Variants in PCDHGA7 observed in about 807,000 individuals in gnomAD.
PCDHGA7 encodes protocadherin gamma-A7.
Under a neutral mutation model 58.3 loss-of-function variants are expected in PCDHGA7, and 44 were observed. The ratio of observed to expected loss-of-function variants is 0.75; its 90% CI spans 0.59 to 0.97. PCDHGA7 has a LOEUF of 0.97. PCDHGA7 is among the 50% of genes least tolerant of loss of function. The pLI is 0.00. For missense variants in PCDHGA7, 1,266 were observed against 1,188.7 expected (o/e 1.06, Z -0.96); for synonymous variants, 516 against 504.2 (o/e 1.02, Z -0.31).
rs749347013 is a variant in PCDHGA7, at chr5:141,476,739, C to G, written c.2425-18068C>G. 6.2e-7 allele frequency: 1 copy of G among 1,614,068 alleles called. No individual in the cohort carries two copies. Among genetic ancestry groups the G allele is most frequent in the South Asian group, 1.1e-5 (1 of 91,088 alleles). On this transcript the variant is annotated intron_variant, in intron 1 of 3. Transcript: ENST00000518325. The surrounding 1 kb of genome is among the most constrained non-coding windows in gnomAD (Gnocchi z 7.6). Reference sequence around the variant, plus strand: ...CGCGCCCTGGACCGAGAACGGGAGCCTAGTCTCCAGTTAGTGCTGACGGCG... The same window carrying G: ...CGCGCCCTGGACCGAGAACGGGAGCGTAGTCTCCAGTTAGTGCTGACGGCG...
intron 1 of PCDHGA7, among the ~76,000 whole-genome samples, chr5:141,433,497 C>G (rs2097615154): frequency 6.6e-6 from 1 of 152,076 alleles, no homozygotes; most frequent in Non-Finnish European, 1.5e-5. Flanking sequence ...CCCTCCCAAA[C>G]TGCTGGGATT....
chr5:141,487,623 C>T lies in PCDHGA7; in HGVS notation c.2425-7184C>T, dbSNP rs2099654624. On this transcript the variant is annotated intron_variant, in intron 1 of 3. Coordinates refer to ENST00000518325, the MANE Select transcript of PCDHGA7 (RefSeq NM_018920.4). This position sits in a 1 kb window ranked among gnomAD's most constrained non-coding sequence, Gnocchi z 5.0. The stretch of plus-strand genomic sequence containing the variant: ...CTTCTCTATGGGCTAGAGGTGAGAC[C>T]TTTGCAGGCTCAACAAATGCTTGAG... 6.2e-7 allele frequency: 1 copy of T among 1,614,088 alleles called. No individual in the cohort carries two copies. The highest frequency in any genetic ancestry group is 1.3e-5 in the African/African-American group (1 of 74,930).
chr5:141,427,199 A>G (rs900332017), intron 1 of PCDHGA7: 5 of 456,766 alleles, frequency 1.1e-5, no homozygotes, highest in Non-Finnish European at 2.2e-5. Context: ...AAGACTTAAT[A>G]GACTTCGAAT....
In PCDHGA7 at chr5:141,432,877, C is replaced by T. The variant is rs375043811; in HGVS notation, c.2424+47554C>T. 108 of 1,614,082 alleles carry T rather than the reference C, an allele frequency of 6.7e-5. No homozygotes were observed. Among genetic ancestry groups the T allele is most frequent in the Non-Finnish European group, 7.6e-5 (90 of 1,180,018 alleles). On this transcript the variant is annotated intron_variant, in intron 1 of 3. Coordinates refer to ENST00000518325, the MANE Select transcript of PCDHGA7 (RefSeq NM_018920.4). The surrounding 1 kb of genome is among the most constrained non-coding windows in gnomAD (Gnocchi z 6.0). Reference sequence around the variant, plus strand: ...CCGCGGTCTCCTGCGTCTTCCTGGCCTTCGTCATCTTGCTGCTGGCGCTCA... The same window carrying T: ...CCGCGGTCTCCTGCGTCTTCCTGGCTTTCGTCATCTTGCTGCTGGCGCTCA...
Position 141,490,400 on chromosome 5 carries a change from T to A in PCDHGA7, c.2425-4407T>A. On this transcript the variant is annotated intron_variant, in intron 1 of 3. Coordinates refer to ENST00000518325, the MANE Select transcript of PCDHGA7 (RefSeq NM_018920.4). This position sits in a 1 kb window ranked among gnomAD's most constrained non-coding sequence, Gnocchi z 5.4. ...TCAGGTAGAAATGGTGAAGTGAGCC[T>A]TGATATCTCTCCGGACCTGCCATTT... The A allele has an allele frequency of 6.2e-7, 1 of 1,614,202 alleles. No homozygotes were observed. Among genetic ancestry groups the A allele is most frequent in the Non-Finnish European group, 8.5e-7 (1 of 1,180,032 alleles).
chr5:141,485,003 A>G lies in PCDHGA7; in HGVS notation c.2425-9804A>G. On this transcript the variant is annotated intron_variant, in intron 1 of 3. Coordinates refer to ENST00000518325, the MANE Select transcript of PCDHGA7 (RefSeq NM_018920.4). The surrounding 1 kb of genome is among the most constrained non-coding windows in gnomAD (Gnocchi z 5.7). ...CAATCGGGTGGTGAAAGGCAGACAA[A>G]TCTACCCCGCCACCAGCAAAAACGG... 1 of 620,758 alleles carries G rather than the reference A, an allele frequency of 1.6e-6. No homozygotes were observed. The highest frequency in any genetic ancestry group is 2.0e-5 in the South Asian group (1 of 50,492). The allele number at this position is 620,758 out of a possible 1,614,324, so 38.5% of individuals were successfully genotyped here.
At chr5:141,389,794 G>A (rs1015982333) in intron 1 of PCDHGA7, 21 of 1,613,396 alleles carry the variant, frequency 1.3e-5, no homozygotes, top group East Asian at 2.2e-5. Flanking sequence ...GACGCCGTCC[G>A]CCAGCGCCTT....
chr5:141,498,273 A>G (rs1595516143), intron 2 of PCDHGA7, among the ~76,000 whole-genome samples: 1 of 152,038 alleles, frequency 6.6e-6, no homozygotes, highest in East Asian at 1.9e-4. Flanking sequence ...TCTTCAGTAA[A>G]CTTGGTTCAA....
chr5:141,418,125 G>A (rs765373450), intron 1 of PCDHGA7: 2 of 1,614,086 alleles, frequency 1.2e-6, no homozygotes, highest in Middle Eastern at 1.7e-4. Flanking sequence ...GTGAAGGACC[G>A]AATAGACCGT....
chr5:141,489,112 A>C lies in PCDHGA7; in HGVS notation c.2425-5695A>C. 3 of 412,420 alleles carry C rather than the reference A, an allele frequency of 7.3e-6. No individual in the cohort carries two copies. Among genetic ancestry groups the C allele is most frequent in the South Asian group, 4.2e-5 (1 of 23,838 alleles). The allele number at this position is 412,420 out of a possible 1,614,324, so 25.5% of individuals were successfully genotyped here. ...TGACTAAGAACTGCTGCAAGCAGGC[A>C]AACCTCCGAGCAGTTTTTAAGAGGC... is the stretch of plus-strand genomic sequence containing the variant. On this transcript the variant is annotated intron_variant, in intron 1 of 3. Coordinates refer to ENST00000518325, the MANE Select transcript of PCDHGA7 (RefSeq NM_018920.4). The surrounding 1 kb of genome is among the most constrained non-coding windows in gnomAD (Gnocchi z 4.5).
chr5:141,383,219 A>G lies in PCDHGA7; in HGVS notation c.320A>G (p.Asn107Ser), dbSNP rs1333678455. 1.2e-6 allele frequency: 2 copies of G among 1,614,000 alleles called. No homozygotes were observed. Among genetic ancestry groups the G allele is most frequent in the Admixed American group, 3.3e-5 (2 of 60,030 alleles). ...AQSARCLVNF[N>S]ILMEDKMNLY... is the part of the protein sequence containing the mutation. ...AGTGCGCGGTGTCTGGTAAACTTTA[A>G]CATCCTGATGGAAGATAAAATGAAT... is the stretch of plus-strand genomic sequence containing the variant. Residue 107 changes from asparagine (N) to serine (S), a missense_variant, in exon 1 of 4, where the codon AAC (asparagine) becomes AGC (serine). Physicochemically the swap from Asn to Ser is conservative, Grantham distance 46. Coordinates refer to ENST00000518325, the MANE Select transcript of PCDHGA7 (RefSeq NM_018920.4).
intron 1 of PCDHGA7, chr5:141,423,684 T>TA (rs1412198122): frequency 1.3e-6 from 2 of 1,524,644 alleles, no homozygotes; most frequent in Non-Finnish European, 1.8e-6. Context: ...CTCTGCCTCC[T>TA]AATTGTTGGT....
At chr5:141,397,984 A>G in intron 1 of PCDHGA7, 18 of 1,310,016 alleles carry the variant, frequency 1.4e-5, no homozygotes, top group Non-Finnish European at 1.9e-5. Flanking sequence ...CGGCCTTTAC[A>G]CCGCTTCCTC....
chr5:141,413,089 C>CTT, intron 1 of PCDHGA7: 1 of 1,401,124 alleles, frequency 7.1e-7, no homozygotes, highest in South Asian at 1.4e-5. Flanking sequence ...TACAGAGACA[C>CTT]CCTGAAGCCA....
chr5:141,430,433 T>C (rs1371764261), intron 1 of PCDHGA7, among the ~76,000 whole-genome samples: 2 of 151,080 alleles, frequency 1.3e-5, no homozygotes, highest in Admixed American at 6.6e-5. Context: ...ATACGGTAGA[T>C]TTCCATCCCC....
chr5:141,472,980 C>CAAAAAAAAAAAAAAAAAAGAAAAAAAA (rs60579131), intron 1 of PCDHGA7, among the ~76,000 whole-genome samples: 1 of 86,106 alleles, frequency 1.2e-5, no homozygotes, highest in Non-Finnish European at 2.5e-5. Flanking sequence ...GAGTGAAACT[C>CAAAAAAAAAAAAAAAAAAGAAAAAAAA]AAAAAAAAAA....
At chr5:141,402,953 A>G in intron 1 of PCDHGA7, 3 of 1,597,298 alleles carry the variant, frequency 1.9e-6, no homozygotes, top group Middle Eastern at 1.7e-4. Context: ...CGAGGCAGCA[A>G]TGGCAGCTCC....
At chr5:141,388,710 G>T in intron 1 of PCDHGA7, 1 of 1,613,966 alleles carries the variant, frequency 6.2e-7, no homozygotes, top group Non-Finnish European at 8.5e-7. Context: ...TGTCAATGCC[G>T]AGATTACTTT....
At chr5:141,481,739 G>A (rs1034725934) in intron 1 of PCDHGA7, among the ~76,000 whole-genome samples, 1 of 152,082 alleles carries the variant, frequency 6.6e-6, no homozygotes, top group Non-Finnish European at 1.5e-5. Flanking sequence ...GGATCACGAG[G>A]TCAGGAGTCC....
Sources: gnomAD v4.1 joint callset for allele counts (sites outside exome capture counted in the v4.1 genomes callset) on GRCh38, gnomAD v4.1.1 for gene constraint, Gnocchi (gnomAD v3.1) non-coding constraint, MANE v1.5 for transcripts, NCBI Gene and HGNC (gene_info 2026-07-23, HGNC 2026-07-21) for gene names.